The following TMEM63C variants were observed in gnomAD, a reference collection of about 807,000 sequenced individuals.
TMEM63C encodes the protein transmembrane protein 63C.
Under a neutral mutation model 99.2 loss-of-function variants are expected in TMEM63C, and 32 were observed. The observed-to-expected ratio is 0.32, with a 90% CI of 0.24 to 0.43. The LOEUF is 0.43. Ranked by LOEUF, TMEM63C falls within the 20% of genes least tolerant of loss-of-function variation. The probability of loss-of-function intolerance (pLI) is 1.00; values close to 1 mark genes in which losing one functional copy is unlikely to be tolerated. For synonymous variants in TMEM63C, 376 were observed against 397.9 expected, an observed-to-expected ratio of 0.94 and a Z score of 0.66; for missense variants, 826 against 1,053.0, an observed-to-expected ratio of 0.78 and a Z score of 2.98.
chr14:77,232,764 G>T (rs1230489750), intron 7 of TMEM63C, among the ~76,000 whole-genome samples: 1 of 152,206 alleles, frequency 6.6e-6, no homozygotes, highest in Admixed American at 6.5e-5. Flanking sequence ...GCTGAATGGA[G>T]CTGTATGAAG....
intron 7 of TMEM63C, among the ~76,000 whole-genome samples, chr14:77,232,559 A>G (rs1201504060): frequency 1.3e-5 from 2 of 152,196 alleles, no homozygotes; most frequent in Non-Finnish European, 2.9e-5. Context: ...AAATGCTGAG[A>G]TTACAGGCAT....
At chr14:77,222,441 C>T (rs1294157455) in intron 5 of TMEM63C, among the ~76,000 whole-genome samples, 2 of 152,228 alleles carry the variant, frequency 1.3e-5, no homozygotes, top group Admixed American at 6.5e-5. Flanking sequence ...TTTAGGTCCA[C>T]GCTCTAGGGC....
At chr14:77,205,418 T>C (rs1888379301) in intron 1 of TMEM63C, among the ~76,000 whole-genome samples, 1 of 152,090 alleles carries the variant, frequency 6.6e-6, no homozygotes, top group South Asian at 2.1e-4. Context: ...AGAATGAGCT[T>C]GAGGAGGGGA....
chr14:77,211,990 G>C (rs1888503836), intron 1 of TMEM63C, among the ~76,000 whole-genome samples: 1 of 152,190 alleles, frequency 6.6e-6, no homozygotes, highest in Admixed American at 6.5e-5. Flanking sequence ...CAGTCTGTGG[G>C]ATAGTGGATG....
At chr14:77,253,686 G>C (rs1447316146) in intron 23 of TMEM63C, among the ~76,000 whole-genome samples, 2 of 152,254 alleles carry the variant, frequency 1.3e-5, no homozygotes, top group Admixed American at 1.3e-4. Context: ...TAGACGCAGG[G>C]GGGCCTGCTG....
chr14:77,248,982 G>A, intron 20 of TMEM63C, 110 bp downstream of exon 20: 1 of 1,141,512 alleles, frequency 8.8e-7, no homozygotes, highest in Non-Finnish European at 1.3e-6. Flanking sequence ...ACCTGTGGTA[G>A]GGAGGGGTCA....
At chr14:77,219,937 G>A in intron 4 of TMEM63C, 69 bp from the exon 5 acceptor site, 1 of 1,441,550 alleles carries the variant, frequency 6.9e-7, no homozygotes, top group Non-Finnish European at 9.5e-7. Context: ...GGAGTGGGGA[G>A]GGAGCAGGGC....
rs556380861 is a variant in TMEM63C, at chr14:77,252,229, C to T, written c.2148+331C>T. 9.8e-5 allele frequency among the ~76,000 whole-genome samples: 15 copies of T among 152,286 alleles called. No individual in the cohort carries two copies. In the South Asian group the frequency reaches 2.9e-3, roughly 29 times the overall value. ...CCACTGAACTGTGAGCCTCCAAGGA[C>T]TGGAGGCCAAGAGAGAGGATGGAGC... On this transcript the variant is annotated intron_variant, in intron 22 of 23. Coordinates refer to ENST00000298351, the MANE Select transcript of TMEM63C (RefSeq NM_020431.4).
At chr14:77,221,688 C>T (rs57250056) in intron 5 of TMEM63C, among the ~76,000 whole-genome samples, 32,959 of 114,606 alleles carry the variant, frequency 0.29, 6,850 homozygotes, top group African/African-American at 0.59. Flanking sequence ...CTCATGCCTC[C>T]TCTCCCACTC....
At chr14:77,189,260 C>T (rs1202061743) in intron 1 of TMEM63C, among the ~76,000 whole-genome samples, 1 of 140,500 alleles carries the variant, frequency 7.1e-6, no homozygotes, top group Non-Finnish European at 1.5e-5. Flanking sequence ...CAGATGCACA[C>T]CACCACACCC....
chr14:77,224,205 G>A (rs145232115), intron 5 of TMEM63C, among the ~76,000 whole-genome samples: 1 of 151,980 alleles, frequency 6.6e-6, no homozygotes, highest in Non-Finnish European at 1.5e-5. Context: ...GGGAGCAAGG[G>A]ACTTCTATTT....
At chr14:77,250,260 A>G (rs371812090) in intron 21 of TMEM63C, among the ~76,000 whole-genome samples, 6 of 152,136 alleles carry the variant, frequency 3.9e-5, no homozygotes, top group African/African-American at 1.4e-4. Context: ...GGGAGCTCAG[A>G]GACACCCTCC....
chr14:77,240,397 G>C, intron 12 of TMEM63C, 78 bp from the exon 13 acceptor site: 1 of 1,494,826 alleles, frequency 6.7e-7, no homozygotes, highest in Non-Finnish European at 8.9e-7. Flanking sequence ...AGGGAGGCTT[G>C]AGTGGGGAGG....
chr14:77,211,464 G>T (rs532683364), intron 1 of TMEM63C, among the ~76,000 whole-genome samples: 7 of 152,172 alleles, frequency 4.6e-5, no homozygotes, highest in Non-Finnish European at 1.0e-4. Context: ...CTCTGTAAAC[G>T]TTAGCTATTA....
chr14:77,248,634 G>A, intron 19 of TMEM63C, 125 bp downstream of exon 19: 2 of 1,490,018 alleles, frequency 1.3e-6, no homozygotes, highest in Admixed American at 1.8e-5. Context: ...TGTTGGTGGG[G>A]CACCTTGGTC....
At chr14:77,188,585 T>A (rs11629219) in intron 1 of TMEM63C, among the ~76,000 whole-genome samples, 1 of 152,116 alleles carries the variant, frequency 6.6e-6, no homozygotes, top group Non-Finnish European at 1.5e-5. Flanking sequence ...AAAAGAGGTC[T>A]TGGCTGGACT....
intron 1 of TMEM63C, among the ~76,000 whole-genome samples, chr14:77,205,799 G>A (rs1042655572): frequency 2.0e-5 from 3 of 152,206 alleles, no homozygotes; most frequent in Admixed American, 6.5e-5. Context: ...CAGGCCAGGA[G>A]CAGAGAGCTC....
At chr14:77,238,900 C>G (rs1286293059) in intron 10 of TMEM63C, 133 bp downstream of exon 10, 2 of 676,314 alleles carry the variant, frequency 3.0e-6, no homozygotes, top group Admixed American at 5.3e-5. Flanking sequence ...CTGGACTCAG[C>G]TCAGGATCAG....
At chr14:77,246,776 G>A in intron 18 of TMEM63C, 102 bp downstream of exon 18, 6 of 946,790 alleles carry the variant, frequency 6.3e-6, no homozygotes, top group South Asian at 1.6e-5. Flanking sequence ...TCACAGAAGT[G>A]TAGACAAATG....
Sources: gnomAD v4.1 joint callset for allele counts (sites outside exome capture counted in the v4.1 genomes callset) on GRCh38, gnomAD v4.1.1 for gene constraint, MANE v1.5 for transcripts, NCBI Gene and HGNC (gene_info 2026-07-23, HGNC 2026-07-21) for gene names.